The following STARD13 variants were observed in gnomAD, a reference collection of about 807,000 sequenced individuals.
STARD13 encodes StAR related lipid transfer domain containing 13, also known as stAR-related lipid transfer protein 13.
STARD13 carries 62 observed loss-of-function variants against 106.4 expected under a neutral mutation model. The observed-to-expected ratio is 0.58, with a 90% CI of 0.48 to 0.72. The LOEUF is 0.72. Among genes scored for constraint, STARD13 ranks in the 30% least tolerant of loss-of-function variants. The pLI, the probability that STARD13 is intolerant of heterozygous loss-of-function variation, is 0.00. For missense variants in STARD13, 1,387 were observed against 1,424.0 expected (o/e 0.97, Z 0.42); for synonymous variants, 565 against 553.0 (o/e 1.02, Z -0.31).
intron 1 of STARD13, among the ~76,000 whole-genome samples, chr13:33,235,796 A>T (rs1364422583): frequency 6.6e-6 from 1 of 152,232 alleles, no homozygotes; most frequent in East Asian, 1.9e-4. Context: ...GGGCACAGTG[A>T]TCTGTGCTTT....
At chr13:33,268,789 G>T (rs749602811) in intron 1 of STARD13, among the ~76,000 whole-genome samples, 10 of 152,218 alleles carry the variant, frequency 6.6e-5, no homozygotes, top group Non-Finnish European at 1.0e-4. Flanking sequence ...TCAAGGATCT[G>T]AAGTCTTAAT....
chr13:33,455,223 G>C, the STARD13 span, among the ~76,000 whole-genome samples: 1 of 152,316 alleles, frequency 6.6e-6, no homozygotes, highest in South Asian at 2.1e-4. Context: ...GCAGACACAA[G>C]CCTCAGACTC....
At chr13:33,662,814 A>G in the STARD13 span, among the ~76,000 whole-genome samples, 1 of 152,260 alleles carries the variant, frequency 6.6e-6, no homozygotes, top group African/African-American at 2.4e-5. Context: ...GGTCAAATGC[A>G]TAAGGAGACA....
chr13:33,310,453 A>G (rs1406650294), intron 1 of STARD13, among the ~76,000 whole-genome samples: 1 of 152,178 alleles, frequency 6.6e-6, no homozygotes, highest in Non-Finnish European at 1.5e-5. Flanking sequence ...TAATTATATC[A>G]TTGAAGGCAA....
At chr13:33,191,805 A>G (rs1436364913) in intron 1 of STARD13, among the ~76,000 whole-genome samples, 1 of 152,250 alleles carries the variant, frequency 6.6e-6, no homozygotes, top group Non-Finnish European at 1.5e-5. Flanking sequence ...TAAAGGTAAC[A>G]TGTTGATTTC....
chr13:33,449,432 T>C, the STARD13 span, among the ~76,000 whole-genome samples: 1 of 152,176 alleles, frequency 6.6e-6, no homozygotes, highest in African/African-American at 2.4e-5. Context: ...GATTTATTTC[T>C]GGATTTTTGA....
chr13:33,267,011 TAA>T (rs1890929928), intron 1 of STARD13, among the ~76,000 whole-genome samples: 1 of 152,228 alleles, frequency 6.6e-6, no homozygotes, highest in Non-Finnish European at 1.5e-5. Flanking sequence ...ATATTTGTGA[TAA>T]GTTACTGCTA....
At chr13:33,195,387 G>A (rs1055234504) in intron 1 of STARD13, among the ~76,000 whole-genome samples, 1 of 152,122 alleles carries the variant, frequency 6.6e-6, no homozygotes, top group Non-Finnish European at 1.5e-5. Context: ...AACATCTCTA[G>A]GCTACTTCAT....
intron 1 of STARD13, among the ~76,000 whole-genome samples, chr13:33,245,029 T>G (rs1475091206): frequency 2.0e-5 from 3 of 152,272 alleles, no homozygotes; most frequent in East Asian, 3.9e-4. Context: ...GAAAAAACTG[T>G]CAAATGTTAG....
At chr13:33,452,365 C>A in the STARD13 span, among the ~76,000 whole-genome samples, 1 of 152,060 alleles carries the variant, frequency 6.6e-6, no homozygotes, top group East Asian at 1.9e-4. Flanking sequence ...TCAGGGGAAA[C>A]CTATTTTCCA....
Position 33,129,061 on chromosome 13 carries a change from T to A in STARD13, c.1616A>T (p.Asn539Ile). The A allele has an allele frequency of 6.2e-7, 1 of 1,614,058 alleles. No homozygotes were observed. The highest frequency in any genetic ancestry group is 8.5e-7 in the Non-Finnish European group (1 of 1,180,006). Residue 539 changes from asparagine to isoleucine, a missense_variant, in exon 5 of 14, where the codon AAC (asparagine) becomes ATC (isoleucine). Physicochemically the swap from Asn to Ile is moderately radical, Grantham distance 149. Coordinates refer to ENST00000336934, the MANE Select transcript of STARD13 (RefSeq NM_178006.4). ...PNQITLDFEGNSVSEGRTTPS... is the reference protein window; with the variant it reads ...PNQITLDFEGISVSEGRTTPS... ...TGTCGTCCGACCTTCTGAGACAGAG[T>A]TACCTTCAAAATCTAAGGTGATCTG...
rs1388487939 is a variant in STARD13 at position 33,106,907 on chromosome 13, T to C, written c.3075A>G (p.Gly1025=). 1 of 1,613,526 alleles carries C rather than the reference T, an allele frequency of 6.2e-7. No homozygotes were observed. The highest frequency in any genetic ancestry group is 8.5e-7 in the Non-Finnish European group (1 of 1,179,778). ...CGGAGAGGGACACCAGGGTACACAT[T>C]CCTTTGGGCAAATCAGTTTTCCAGG... is the stretch of plus-strand genomic sequence containing the variant. ...LRTWKTDLPK[G]MCTLVSLSVE... Residue 1025 remains glycine (G), a synonymous_variant, in exon 13 of 14, where the codon GGA becomes GGG. Coordinates refer to ENST00000336934, the MANE Select transcript of STARD13 (RefSeq NM_178006.4).
intron 1 of STARD13, among the ~76,000 whole-genome samples, chr13:33,228,597 C>T (rs940260769): frequency 2.6e-4 from 39 of 152,174 alleles, no homozygotes; most frequent in African/African-American, 9.2e-4. Flanking sequence ...CCACCAGTAT[C>T]CCTATCTTCC....
At chr13:33,499,518 CT>C in the STARD13 span, among the ~76,000 whole-genome samples, 7 of 96,202 alleles carry the variant, frequency 7.3e-5, no homozygotes, top group East Asian at 7.0e-4. Flanking sequence ...CTTCTTCTTT[CT>C]TTCTTCTTCT....
chr13:33,241,997 G>A (rs538153582), intron 1 of STARD13, among the ~76,000 whole-genome samples: 17 of 152,236 alleles, frequency 1.1e-4, no homozygotes, highest in African/African-American at 3.4e-4. Context: ...CTGCCTGGCC[G>A]CCCATGGTCT....
At chr13:33,453,450 T>C in the STARD13 span, among the ~76,000 whole-genome samples, 1 of 152,216 alleles carries the variant, frequency 6.6e-6, no homozygotes, top group Non-Finnish European at 1.5e-5. Flanking sequence ...GAAATAAAAA[T>C]GACTCTTAAG....
chr13:33,431,794 A>G, the STARD13 span, among the ~76,000 whole-genome samples: 4 of 152,236 alleles, frequency 2.6e-5, no homozygotes, highest in Non-Finnish European at 5.9e-5. Flanking sequence ...TTCAAAAAAT[A>G]TATCAAAGGT....
chr13:33,379,572 G>A, the STARD13 span, among the ~76,000 whole-genome samples: 1 of 152,230 alleles, frequency 6.6e-6, no homozygotes, highest in Non-Finnish European at 1.5e-5. Flanking sequence ...TCACTGGGAA[G>A]GCATGAGAAA....
intron 1 of STARD13, among the ~76,000 whole-genome samples, chr13:33,171,190 T>A (rs1284438656): frequency 6.6e-6 from 1 of 152,198 alleles, no homozygotes; most frequent in Non-Finnish European, 1.5e-5. Flanking sequence ...TTTTGACAGT[T>A]TTATTTGTTC....
Sources: allele counts gnomAD v4.1 joint callset (sites outside exome capture counted in the v4.1 genomes callset), GRCh38; gene constraint gnomAD v4.1.1; transcripts MANE v1.5; gene names NCBI Gene and HGNC (gene_info 2026-07-23, HGNC 2026-07-21).